Variants in RPH3A observed in about 807,000 individuals in gnomAD.
RPH3A encodes rabphilin-3A.
Under a neutral mutation model 102.2 loss-of-function variants are expected in RPH3A, and 48 were observed. The observed-to-expected ratio is 0.47, with a 90% CI of 0.37 to 0.60. The LOEUF (loss-of-function observed/expected upper bound fraction) is 0.60. Ranked by LOEUF, RPH3A falls within the 20% of genes least tolerant of loss-of-function variation. The pLI is 0.00. For synonymous variants in RPH3A, 310 were observed against 324.3 expected, an observed-to-expected ratio of 0.96 and a Z score of 0.47; for missense variants, 781 against 910.1, an observed-to-expected ratio of 0.86 and a Z score of 1.83.
chr12:112,667,682 G>C (rs889870288), intron 1 of RPH3A, among the ~76,000 whole-genome samples: 6 of 133,592 alleles, frequency 4.5e-5, no homozygotes, highest in Non-Finnish European at 7.9e-5. Flanking sequence ...GAGAGAGAGA[G>C]AGAGAGAGAG....
At position 112,716,863 on chromosome 12, in the gene RPH3A, G is replaced by T. The variant is rs181192268; in HGVS notation, c.-139-75280G>T. ...GCACTGGACACTCTGGTGAGCACAG[G>T]TACACATTGGGCATATTCCCTGTCC... On this transcript the variant is annotated intron_variant, in intron 1 of 21. Coordinates refer to the RPH3A transcript ENST00000543106. Among the ~76,000 whole-genome samples, 19 of 152,330 alleles carry T rather than the reference G, an allele frequency of 1.2e-4. No individual in the cohort carries two copies. In the East Asian group the frequency reaches 3.5e-3, roughly 28 times the overall value.
At chr12:112,882,008 C>T (rs1328472779) in intron 15 of RPH3A, among the ~76,000 whole-genome samples, 162 bp downstream of exon 15, 3 of 152,228 alleles carry the variant, frequency 2.0e-5, no homozygotes, top group African/African-American at 7.2e-5. Flanking sequence ...AAAGTATGTT[C>T]CAGGGGTCAT....
chr12:112,720,390 T>C (rs1265017496), intron 1 of RPH3A, among the ~76,000 whole-genome samples: 1 of 152,268 alleles, frequency 6.6e-6, no homozygotes, highest in East Asian at 1.9e-4. Context: ...AGATGATGTT[T>C]TCCACATGTT....
At chr12:112,681,787 G>A (rs1007789147) in intron 1 of RPH3A, among the ~76,000 whole-genome samples, 2 of 152,160 alleles carry the variant, frequency 1.3e-5, no homozygotes, top group Non-Finnish European at 2.9e-5. Context: ...AAGCTGACTT[G>A]GGCAAGCAGA....
chr12:112,652,255 C>T (rs1355133164), intron 1 of RPH3A, among the ~76,000 whole-genome samples: 1 of 151,884 alleles, frequency 6.6e-6, no homozygotes, highest in Non-Finnish European at 1.5e-5. Context: ...GTGGGAGGAT[C>T]ACTTGAAGCC....
upstream of RPH3A, among the ~76,000 whole-genome samples, chr12:112,789,300 G>A (rs553326289): frequency 3.9e-5 from 6 of 152,308 alleles, no homozygotes; most frequent in East Asian, 9.7e-4. Flanking sequence ...TTATGGACAA[G>A]TCAATTCTCG....
At chr12:112,634,597 G>A (rs1172168129) in intron 1 of RPH3A, among the ~76,000 whole-genome samples, 2 of 150,728 alleles carry the variant, frequency 1.3e-5, no homozygotes, top group Admixed American at 1.3e-4. Flanking sequence ...TGACAGGTAT[G>A]TCCATCACTG....
At chr12:112,824,647 C>T (rs994754389) in intron 2 of RPH3A, among the ~76,000 whole-genome samples, 3 of 152,146 alleles carry the variant, frequency 2.0e-5, no homozygotes, top group African/African-American at 7.2e-5. Context: ...GATAAAGAGT[C>T]CAATCCTGGG....
intron 2 of RPH3A, among the ~76,000 whole-genome samples, chr12:112,827,969 A>G (rs2041908428): frequency 6.6e-6 from 1 of 152,092 alleles, no homozygotes; most frequent in Non-Finnish European, 1.5e-5. Context: ...CTCAGTAGAA[A>G]GACCCTGGAT....
intron 1 of RPH3A, among the ~76,000 whole-genome samples, chr12:112,648,410 G>C (rs1397687984): frequency 2.0e-5 from 3 of 150,902 alleles, no homozygotes; most frequent in Non-Finnish European, 4.4e-5. Context: ...ACTTAGGGTT[G>C]TTTCTGTAGG....
At chr12:112,864,456 A>G (rs891493627) in intron 5 of RPH3A, among the ~76,000 whole-genome samples, 1 of 151,966 alleles carries the variant, frequency 6.6e-6, no homozygotes, top group Non-Finnish European at 1.5e-5. Context: ...GTCAAAAAAA[A>G]AAAAAAAAAA....
At chr12:112,734,224 A>G (rs942809781) in intron 1 of RPH3A, among the ~76,000 whole-genome samples, 5 of 152,210 alleles carry the variant, frequency 3.3e-5, no homozygotes, top group Non-Finnish European at 7.3e-5. Flanking sequence ...ACAAATGCTT[A>G]CCATTGTGTT....
chr12:112,760,790 T>C (rs2040849703), intron 1 of RPH3A, among the ~76,000 whole-genome samples: 1 of 152,224 alleles, frequency 6.6e-6, no homozygotes. Context: ...CTCCATTCTC[T>C]GCGCATGGCA....
intron 1 of RPH3A, among the ~76,000 whole-genome samples, chr12:112,721,349 C>A (rs1565860192): frequency 6.6e-6 from 1 of 152,104 alleles, no homozygotes. Context: ...AAGAAATGAT[C>A]TGAAAGGATC....
chr12:112,885,651 A>G (rs2136255018), intron 16 of RPH3A, among the ~76,000 whole-genome samples: 1 of 152,328 alleles, frequency 6.6e-6, no homozygotes, highest in Non-Finnish European at 1.5e-5. Flanking sequence ...TATATAGGAT[A>G]ATTTGATACA....
At chr12:112,896,599 GA>G (rs1309759633) in intron 21 of RPH3A, 50 bp from the exon 22 acceptor site, 2 of 1,608,400 alleles carry the variant, frequency 1.2e-6, no homozygotes, top group East Asian at 4.5e-5. Flanking sequence ...TTTGGGTCTA[GA>G]ACGACCTCTA....
At chr12:112,828,811 A>G (rs2041922622) in intron 3 of RPH3A, among the ~76,000 whole-genome samples, 1 of 152,220 alleles carries the variant, frequency 6.6e-6, no homozygotes, top group African/African-American at 2.4e-5. Context: ...GTGTATGTGT[A>G]GGTTTTTTTC....
At chr12:112,705,896 C>T (rs1186138014) in intron 1 of RPH3A, among the ~76,000 whole-genome samples, 1 of 152,072 alleles carries the variant, frequency 6.6e-6, no homozygotes, top group East Asian at 1.9e-4. Flanking sequence ...ATTCATCCAC[C>T]CATCTGTTTT....
intron 1 of RPH3A, among the ~76,000 whole-genome samples, chr12:112,742,918 G>A (rs2040719781): frequency 6.6e-6 from 1 of 152,186 alleles, no homozygotes; most frequent in African/African-American, 2.4e-5. Context: ...CTCTAGGGGA[G>A]GAGAATTTGC....
Sources: gnomAD v4.1 joint callset for allele counts (sites outside exome capture counted in the v4.1 genomes callset) on GRCh38, gnomAD v4.1.1 for gene constraint, MANE v1.5 for transcripts, NCBI Gene and HGNC (gene_info 2026-07-23, HGNC 2026-07-21) for gene names.